LPP: variants seen among roughly 807,000 people sequenced by gnomAD.
The protein encoded by LPP is lipoma-preferred partner.
LPP carries 38 observed loss-of-function variants against 60.4 expected under a neutral mutation model. The observed-to-expected ratio is 0.63, with a 90% CI of 0.49 to 0.83. LPP has a LOEUF of 0.83. Among genes scored for constraint, LPP ranks in the 40% least tolerant of loss-of-function variants. The probability of loss-of-function intolerance (pLI) is 0.00; values close to 1 mark genes in which losing one functional copy is unlikely to be tolerated. For missense variants in LPP, 902 were observed against 783.6 expected (o/e 1.15, Z -1.80); for synonymous variants, 328 against 290.8 (o/e 1.13, Z -1.30).
chr3:188,453,905 T>G (rs1797165577), intron 4 of LPP, among the ~76,000 whole-genome samples: 1 of 152,144 alleles, frequency 6.6e-6, no homozygotes, highest in Admixed American at 6.5e-5. Flanking sequence ...AACTCACATT[T>G]TAACCTAAAA....
chr3:188,332,570 G>C (rs1400574910), intron 2 of LPP, among the ~76,000 whole-genome samples: 1 of 152,146 alleles, frequency 6.6e-6, no homozygotes, highest in Non-Finnish European at 1.5e-5. Context: ...CTAAAGACCA[G>C]ATGCTGGATA....
chr3:188,548,345 T>C (rs1827207085), intron 6 of LPP, among the ~76,000 whole-genome samples: 1 of 152,200 alleles, frequency 6.6e-6, no homozygotes, highest in Non-Finnish European at 1.5e-5. Flanking sequence ...GTGATTCCTT[T>C]TCTTGGTAAG....
chr3:188,787,562 G>A (rs1009035443), intron 9 of LPP, among the ~76,000 whole-genome samples: 3 of 152,060 alleles, frequency 2.0e-5, no homozygotes, highest in Admixed American at 6.6e-5. Context: ...CCTCTTTGAT[G>A]TTTAATACAC....
intron 4 of LPP, among the ~76,000 whole-genome samples, chr3:188,473,140 A>T (rs1802277721): frequency 1.3e-5 from 2 of 152,118 alleles, no homozygotes; most frequent in Admixed American, 1.3e-4. Context: ...TTAACTTTTT[A>T]TTCTGAAATA....
At chr3:188,794,924 T>C (rs1744887202) in intron 9 of LPP, among the ~76,000 whole-genome samples, 1 of 152,084 alleles carries the variant, frequency 6.6e-6, no homozygotes, top group Non-Finnish European at 1.5e-5. Context: ...GATCACGAGG[T>C]CAGGAGATCA....
chr3:188,600,079 A>G (rs912974893), intron 6 of LPP, among the ~76,000 whole-genome samples: 2 of 151,324 alleles, frequency 1.3e-5, no homozygotes, highest in African/African-American at 4.8e-5. Flanking sequence ...ATACATTGAA[A>G]CCATTTTTAA....
At chr3:188,170,690 C>T (rs1721349831) in intron 1 of LPP, among the ~76,000 whole-genome samples, 1 of 152,074 alleles carries the variant, frequency 6.6e-6, no homozygotes, top group African/African-American at 2.4e-5. Flanking sequence ...TTCCGTTTAC[C>T]TTGTCATCTA....
intron 6 of LPP, among the ~76,000 whole-genome samples, chr3:188,542,287 C>T (rs905665513): frequency 1.3e-5 from 2 of 152,138 alleles, no homozygotes; most frequent in Non-Finnish European, 2.9e-5. Context: ...GCTTTGTGAA[C>T]TATAAAGCGC....
chr3:188,865,966 TTC>T (rs1462371748), intron 9 of LPP, among the ~76,000 whole-genome samples: 5 of 152,334 alleles, frequency 3.3e-5, no homozygotes, highest in Admixed American at 1.3e-4. Flanking sequence ...TTGTGTTTCC[TTC>T]TCTCTATAAC....
intron 3 of LPP, among the ~76,000 whole-genome samples, chr3:188,350,185 A>G (rs1487934651): frequency 2.0e-5 from 3 of 152,158 alleles, no homozygotes; most frequent in East Asian, 1.9e-4. Context: ...GTAGCTTGCT[A>G]AGAAATTGAA....
chr3:188,510,646 C>T (rs1815179306), intron 5 of LPP, among the ~76,000 whole-genome samples: 1 of 152,184 alleles, frequency 6.6e-6, no homozygotes, highest in Non-Finnish European at 1.5e-5. Flanking sequence ...TCCTTATATG[C>T]CTTGGTTTGC....
At position 188,158,047 on chromosome 3, in the gene LPP, C is replaced by T. The variant is rs140034340; in HGVS notation, c.-190+3795C>T. Reference sequence around the variant, plus strand: ...TCTCGATAGGGGCCGTTAAGTGGTTCTGTAGAGATTCACAGGAGAATAAGG... The same window carrying T: ...TCTCGATAGGGGCCGTTAAGTGGTTTTGTAGAGATTCACAGGAGAATAAGG... On this transcript the variant is annotated intron_variant, in intron 1 of 11. Coordinates refer to ENST00000617246, the MANE Select transcript of LPP (RefSeq NM_001375462.1). Among the ~76,000 whole-genome samples the T allele has an allele frequency of 1.9e-3, 288 of 152,174 alleles. 2 individuals carry two copies. The highest frequency in any genetic ancestry group is 6.7e-3 in the African/African-American group (278 of 41,508).
At chr3:188,449,140 C>CA (rs1487637728) in intron 4 of LPP, among the ~76,000 whole-genome samples, 4 of 152,174 alleles carry the variant, frequency 2.6e-5, no homozygotes, top group Non-Finnish European at 4.4e-5. Context: ...TACTTTACTG[C>CA]ACGTCTGTTG....
At chr3:188,583,148 C>T (rs865817838) in intron 6 of LPP, among the ~76,000 whole-genome samples, 5 of 152,236 alleles carry the variant, frequency 3.3e-5, no homozygotes, top group African/African-American at 1.2e-4. Context: ...TCTCATATAA[C>T]TATGTGATCT....
At chr3:188,762,020 T>C (rs1732528202) in intron 9 of LPP, among the ~76,000 whole-genome samples, 1 of 147,578 alleles carries the variant, frequency 6.8e-6, no homozygotes. Context: ...TGTTTTTTTA[T>C]AGCTCCTGTC....
At chr3:188,392,838 T>C (rs955216480) in intron 3 of LPP, among the ~76,000 whole-genome samples, 1 of 152,078 alleles carries the variant, frequency 6.6e-6, no homozygotes, top group South Asian at 2.1e-4. Flanking sequence ...ACAAGGCAAC[T>C]GCACGTGGAA....
At chr3:188,775,972 T>A (rs1414336038) in intron 9 of LPP, among the ~76,000 whole-genome samples, 1 of 152,260 alleles carries the variant, frequency 6.6e-6, no homozygotes, top group African/African-American at 2.4e-5. Context: ...TGAATATTTT[T>A]AACTGAAAAG....
rs1375153698 is a variant in LPP, at chr3:188,876,870, G to T, written c.*2391G>T. The T allele has an allele frequency of 5.5e-6, 1 of 183,264 alleles. No individual in the cohort carries two copies. The allele number at this position is 183,264 out of a possible 1,614,324, so 11.4% of individuals were successfully genotyped here. A position where few individuals can be genotyped will look rare whatever the true frequency, so the allele number is the denominator to read the frequency against. On this transcript the variant is annotated 3_prime_UTR_variant, in exon 12 of 12. Transcript: ENST00000617246. ...TCAAGAGGAAAAGCTGTAAGAAAAT[G>T]CTGTCACAGACCCATCCCTGTGGCA... is the stretch of plus-strand genomic sequence containing the variant.
chr3:188,549,633 A>C (rs2150498186), intron 6 of LPP, among the ~76,000 whole-genome samples: 1 of 152,328 alleles, frequency 6.6e-6, no homozygotes, highest in African/African-American at 2.4e-5. Context: ...TCCAGAGTAC[A>C]AGATCTTGGT....
Sources: allele counts gnomAD v4.1 joint callset (sites outside exome capture counted in the v4.1 genomes callset), GRCh38; gene constraint gnomAD v4.1.1; transcripts MANE v1.5; gene names NCBI Gene and HGNC (gene_info 2026-07-23, HGNC 2026-07-21).